Variants in ASIC5 observed in about 807,000 individuals in gnomAD.
ASIC5 encodes bile acid-sensitive ion channel.
A neutral mutation model predicts 51.2 loss-of-function variants in ASIC5; 52 were observed. The observed-to-expected ratio is 1.02, with a 90% CI of 0.81 to 1.28. The LOEUF (loss-of-function observed/expected upper bound fraction) is 1.28, where lower values mean the gene tolerates loss of function less well. Among genes scored for constraint, ASIC5 ranks in the 50% most tolerant of loss-of-function variants. The pLI is 0.00. For missense variants in ASIC5, 635 were observed against 595.0 expected (o/e 1.07, Z -0.70); for synonymous variants, 231 against 200.7 (o/e 1.15, Z -1.28).
chr4:155,839,981 C>T (rs1280173953), intron 6 of ASIC5, among the ~76,000 whole-genome samples: 8 of 152,180 alleles, frequency 5.3e-5, no homozygotes, highest in Middle Eastern at 3.4e-3. Context: ...ATTTGTTTAA[C>T]GTTTAGAATC....
chr4:155,836,825 C>G lies in ASIC5; in HGVS notation c.1099G>C (p.Gly367Arg). The change falls in exon 8 of 10, where the codon GGA (glycine) becomes CGA (arginine). Residue 367 changes from glycine to arginine, a missense_variant. Gly to Arg is a moderately radical substitution (Grantham distance 125). Transcript: ENST00000537611. ...HIEFKDLCTV[G>R]THNSSCPVSC... The stretch of plus-strand genomic sequence containing the variant: ...ACGGGGCAGCTAGAGTTATGTGTTC[C>G]TACTGTACATAAATCCTTAAATTCA... 1 of 1,608,034 alleles carries G rather than the reference C, an allele frequency of 6.2e-7. No homozygotes were observed. Among genetic ancestry groups the G allele is most frequent in the Non-Finnish European group, 8.5e-7 (1 of 1,175,836 alleles).
At chr4:155,833,231 A>G (rs1740909225) in intron 8 of ASIC5, among the ~76,000 whole-genome samples, 1 of 152,180 alleles carries the variant, frequency 6.6e-6, no homozygotes, top group African/African-American at 2.4e-5. Context: ...GAATGGATCA[A>G]TATTACCCTG....
intron 7 of ASIC5, among the ~76,000 whole-genome samples, chr4:155,837,653 CTAACTT>C (rs1187483912): frequency 2.0e-5 from 3 of 152,218 alleles, no homozygotes; most frequent in African/African-American, 7.2e-5. Flanking sequence ...TTTTCAGACT[CTAACTT>C]TGACTTCTCT....
intron 4 of ASIC5, among the ~76,000 whole-genome samples, chr4:155,851,975 G>A (rs58857468): frequency 0.029 from 4,372 of 151,964 alleles, 96 homozygotes; most frequent in South Asian, 0.059. Context: ...TAAGTCAGTA[G>A]GATAGCTAAA....
chr4:155,853,489 C>G, intron 3 of ASIC5, among the ~76,000 whole-genome samples: 1 of 150,324 alleles, frequency 6.7e-6, no homozygotes, highest in African/African-American at 2.4e-5. Context: ...ATTTTATAAA[C>G]AATAATAACA....
intron 2 of ASIC5, among the ~76,000 whole-genome samples, chr4:155,859,122 T>C (rs1726380597): frequency 6.6e-6 from 1 of 152,000 alleles, no homozygotes; most frequent in South Asian, 2.1e-4. Context: ...GGGAAGCAGT[T>C]GTGTGTGACG....
At chr4:155,841,594 G>A (rs762380291) in intron 6 of ASIC5, among the ~76,000 whole-genome samples, 1 of 152,130 alleles carries the variant, frequency 6.6e-6, no homozygotes, top group Non-Finnish European at 1.5e-5. Flanking sequence ...GTATGAAAAG[G>A]AGGCCTGAAG....
At chr4:155,843,102 C>A (rs1741158216) in intron 5 of ASIC5, among the ~76,000 whole-genome samples, 1 of 152,146 alleles carries the variant, frequency 6.6e-6, no homozygotes, top group East Asian at 1.9e-4. Context: ...AGTTTTTCAG[C>A]CTTCAGGCTG....
intron 5 of ASIC5, among the ~76,000 whole-genome samples, chr4:155,843,234 C>T (rs1311013001): frequency 6.6e-6 from 1 of 152,028 alleles, no homozygotes; most frequent in Non-Finnish European, 1.5e-5. Flanking sequence ...AAAATATTAC[C>T]CCTTCCCTAT....
chr4:155,845,948 C>A (rs985836215), intron 4 of ASIC5, among the ~76,000 whole-genome samples: 3 of 151,816 alleles, frequency 2.0e-5, no homozygotes, highest in African/African-American at 7.3e-5. Flanking sequence ...ATAAAAGGGT[C>A]TTTATGAATC....
At chr4:155,846,813 G>T (rs56094107) in intron 4 of ASIC5, among the ~76,000 whole-genome samples, 14,222 of 151,898 alleles carry the variant, frequency 0.094, 941 homozygotes, top group Non-Finnish European at 0.14. Context: ...TTCATTATGT[G>T]GGTATTTTCC....
chr4:155,849,187 T>A (rs1268663320), intron 4 of ASIC5, among the ~76,000 whole-genome samples: 1 of 152,024 alleles, frequency 6.6e-6, no homozygotes, highest in East Asian at 1.9e-4. Flanking sequence ...TGACCTCATA[T>A]TTTGTGTACA....
intron 2 of ASIC5, among the ~76,000 whole-genome samples, chr4:155,857,973 T>C (rs1044710826): frequency 1.3e-5 from 2 of 152,100 alleles, no homozygotes; most frequent in Non-Finnish European, 2.9e-5. Context: ...ATCACAGTGA[T>C]TATAAACATG....
chr4:155,839,054 T>C (rs1344001512), intron 6 of ASIC5, among the ~76,000 whole-genome samples, 185 bp from the exon 7 acceptor site: 1 of 152,122 alleles, frequency 6.6e-6, no homozygotes, highest in Non-Finnish European at 1.5e-5. Context: ...TGAAAATATG[T>C]GTTGGGAGGA....
chr4:155,865,796 A>T (rs1181898601), intron 1 of ASIC5, among the ~76,000 whole-genome samples: 2 of 152,136 alleles, frequency 1.3e-5, no homozygotes, highest in African/African-American at 2.4e-5. Context: ...TGACTGGAGT[A>T]TATACAGTGT....
intron 8 of ASIC5, among the ~76,000 whole-genome samples, chr4:155,835,728 A>G (rs1180106570): frequency 2.6e-5 from 4 of 152,180 alleles, no homozygotes; most frequent in African/African-American, 9.6e-5. Flanking sequence ...CCTGTTTATC[A>G]CTTTATCTGC....
chr4:155,848,991 A>C lies in ASIC5; in HGVS notation c.711+3200T>G, dbSNP rs185248559. On this transcript the variant is annotated intron_variant, in intron 4 of 9. Coordinates refer to ENST00000537611, the MANE Select transcript of ASIC5 (RefSeq NM_017419.3). ...CTGATTTCTCCAGAATTTGGAAACTATTTGTGGATATTCTTAACTTGTGGC... is the reference window on the plus strand; with the variant it reads ...CTGATTTCTCCAGAATTTGGAAACTCTTTGTGGATATTCTTAACTTGTGGC... Among the ~76,000 whole-genome samples the C allele has an allele frequency of 1.1e-4, 16 of 152,176 alleles. No individual in the cohort carries two copies. In the East Asian group the frequency reaches 3.1e-3, roughly 29 times the overall value.
intron 8 of ASIC5, among the ~76,000 whole-genome samples, chr4:155,833,842 C>A (rs1254535155): frequency 6.6e-6 from 1 of 152,152 alleles, no homozygotes; most frequent in African/African-American, 2.4e-5. Flanking sequence ...TGAATCTGTG[C>A]CTCATGGCAA....
At position 155,842,189 on chromosome 4, in the gene ASIC5, C is replaced by T. The variant is rs375498968; in HGVS notation, c.1009+18G>A. 6.2e-7 allele frequency: 1 copy of T among 1,611,064 alleles called. No individual in the cohort carries two copies. Among genetic ancestry groups the T allele is most frequent in the Admixed American group, 1.7e-5 (1 of 59,856 alleles). ...TTAACTGTCTAGTTAAGTAAGGGGG[C>T]AGTTAGTCTTTATTTACCAGGAAGA... is the stretch of plus-strand genomic sequence containing the variant. On this transcript the variant is annotated intron_variant, in intron 6 of 9. Coordinates refer to ENST00000537611, the MANE Select transcript of ASIC5 (RefSeq NM_017419.3).
Sources: allele counts gnomAD v4.1 joint callset (sites outside exome capture counted in the v4.1 genomes callset), GRCh38; gene constraint gnomAD v4.1.1; transcripts MANE v1.5; gene names NCBI Gene and HGNC (gene_info 2026-07-23, HGNC 2026-07-21).